The following TNRC6A variants were observed in gnomAD, a reference collection of about 807,000 sequenced individuals.
The protein encoded by TNRC6A is trinucleotide repeat-containing gene 6A protein.
Under a neutral mutation model 221.2 loss-of-function variants are expected in TNRC6A, and 44 were observed. That is an observed-to-expected ratio of 0.20 (90% CI 0.16 to 0.26). TNRC6A has a LOEUF of 0.26. Among genes scored for constraint, TNRC6A ranks in the 10% least tolerant of loss-of-function variants. TNRC6A has a pLI of 1.00. For synonymous variants in TNRC6A, 847 were observed against 838.5 expected (o/e 1.01, Z -0.18); for missense variants, 2,199 against 2,404.4 (o/e 0.91, Z 1.79).
At chr16:24,611,175 C>T (rs568133875) in intron 1 of TNRC6A, among the ~76,000 whole-genome samples, 1 of 152,264 alleles carries the variant, frequency 6.6e-6, no homozygotes, top group East Asian at 1.9e-4. Context: ...GAGTTCCTCT[C>T]ATCCTCTAAC....
At chr16:24,781,960 C>T (rs1184468935) in intron 5 of TNRC6A, among the ~76,000 whole-genome samples, 1 of 151,914 alleles carries the variant, frequency 6.6e-6, no homozygotes, top group Non-Finnish European at 1.5e-5. Context: ...GTAGCTGGGA[C>T]TACAGGCGCC....
chr16:24,731,974 G>A (rs1326839686), intron 2 of TNRC6A, among the ~76,000 whole-genome samples: 1 of 152,212 alleles, frequency 6.6e-6, no homozygotes, highest in African/African-American at 2.4e-5. Flanking sequence ...CAGAGGGCAT[G>A]TACAGTCTAG....
chr16:24,772,441 C>G (rs2057631083), intron 4 of TNRC6A, among the ~76,000 whole-genome samples: 1 of 151,818 alleles, frequency 6.6e-6, no homozygotes, highest in Non-Finnish European at 1.5e-5. Context: ...GAGCCAAGAT[C>G]CAAGATCGCG....
chr16:24,758,668 TC>T (rs1310979223), intron 4 of TNRC6A, among the ~76,000 whole-genome samples: 1 of 152,152 alleles, frequency 6.6e-6, no homozygotes, highest in Non-Finnish European at 1.5e-5. Flanking sequence ...CCTTCAGTCT[TC>T]CTTCTAAAAG....
rs60469088 is a variant in TNRC6A, at chr16:24,714,302, C to CTTTT, written n.403-36403_403-36400dup. Among the ~76,000 whole-genome samples, 354 of 71,324 alleles carry CTTTT rather than the reference C, an allele frequency of 5.0e-3. 11 individuals are homozygous for CTTTT. The highest frequency in any genetic ancestry group is 0.021 in the East Asian group (39 of 1,818). The allele number at this position is 71,324 out of a possible 152,430, so 46.8% of individuals were successfully genotyped here. A position where few individuals can be genotyped will look rare whatever the true frequency, so the allele number is the denominator to read the frequency against. On this transcript the variant is annotated intron_variant and non_coding_transcript_variant, in intron 2 of 2. Transcript: ENST00000566108. ...CTGCAGTGCCTGATTTGCTGTTAAT[C>CTTTT]TTTTTTTTTTTTTTTTTTTTTTTTG...
chr16:24,819,436 C>T (rs1210764265), intron 21 of TNRC6A, among the ~76,000 whole-genome samples: 1 of 151,450 alleles, frequency 6.6e-6, no homozygotes, highest in African/African-American at 2.4e-5. Context: ...TTCTTTCTTC[C>T]TTCCTTTCCT....
At chr16:24,623,857 G>A (rs529689155) in intron 1 of TNRC6A, among the ~76,000 whole-genome samples, 93 of 123,302 alleles carry the variant, frequency 7.5e-4, no homozygotes, top group African/African-American at 2.7e-3. Context: ...AGCTATGATC[G>A]CACCACTGCA....
At chr16:24,729,885 C>G (rs891087724) in intron 1 of TNRC6A, 39 bp downstream of exon 1, 14 of 1,244,538 alleles carry the variant, frequency 1.1e-5, no homozygotes, top group Non-Finnish European at 1.2e-5. Context: ...CGGGAGGAGC[C>G]GCGGGCGCTG....
intron 2 of TNRC6A, among the ~76,000 whole-genome samples, chr16:24,715,249 A>AT: frequency 6.6e-6 from 1 of 151,970 alleles, no homozygotes; most frequent in Admixed American, 6.6e-5. Context: ...TTATTTTTTA[A>AT]TTTTTTGTAG....
At chr16:24,782,826 C>T (rs529510166) in intron 5 of TNRC6A, among the ~76,000 whole-genome samples, 1 of 152,002 alleles carries the variant, frequency 6.6e-6, no homozygotes, top group African/African-American at 2.4e-5. Flanking sequence ...GAGCCGAGAT[C>T]GCGCCACTGC....
intron 2 of TNRC6A, among the ~76,000 whole-genome samples, chr16:24,704,964 C>A (rs2056068231): frequency 6.6e-6 from 1 of 151,868 alleles, no homozygotes; most frequent in Non-Finnish European, 1.5e-5. Flanking sequence ...CATAACGAGA[C>A]CCTGTCTCTA....
intron 23 of TNRC6A, 81 bp downstream of exon 23, chr16:24,822,228 G>C: frequency 7.2e-7 from 1 of 1,382,798 alleles, no homozygotes; most frequent in Non-Finnish European, 1.0e-6. Context: ...TGTGAGACAA[G>C]GGCTGCTAGG....
chr16:24,740,473 T>G (rs1431831520), intron 2 of TNRC6A, among the ~76,000 whole-genome samples: 1 of 152,196 alleles, frequency 6.6e-6, no homozygotes, highest in African/African-American at 2.4e-5. Flanking sequence ...GGTCTTTAAT[T>G]GTTTTCAAAG....
In TNRC6A at chr16:24,711,254, C is replaced by T. The variant is rs576639047; in HGVS notation, n.403-39472C>T. Among the ~76,000 whole-genome samples the T allele has an allele frequency of 1.9e-4, 29 of 151,798 alleles. No individual in the cohort carries two copies. In the East Asian group the frequency reaches 3.1e-3, roughly 16 times the overall value. ...AACTCCTGACCTCAAATGATCATCC[C>T]GCCTCGGCCTCCCAAATTGCTGGGA... On this transcript the variant is annotated intron_variant and non_coding_transcript_variant, in intron 2 of 2. Transcript: ENST00000566108.
chr16:24,775,703 T>G (rs1050877061), intron 4 of TNRC6A, among the ~76,000 whole-genome samples: 10 of 152,228 alleles, frequency 6.6e-5, no homozygotes, highest in Admixed American at 4.6e-4. Context: ...GTTGCTACTT[T>G]ATGGAGGAGA....
intron 4 of TNRC6A, among the ~76,000 whole-genome samples, chr16:24,775,865 G>A (rs1161872952): frequency 1.3e-5 from 2 of 152,156 alleles, no homozygotes; most frequent in Non-Finnish European, 2.9e-5. Context: ...TATCTGTGAG[G>A]ATACATTACA....
intron 19 of TNRC6A, chr16:24,815,660 G>A (rs201935359): frequency 3.4e-6 from 1 of 290,626 alleles, no homozygotes; most frequent in African/African-American, 2.2e-5. Context: ...TCGAGACCAT[G>A]CTGGCTAACA....
intron 2 of TNRC6A, among the ~76,000 whole-genome samples, chr16:24,658,326 G>T (rs960840825): frequency 1.3e-5 from 2 of 151,992 alleles, no homozygotes; most frequent in Non-Finnish European, 2.9e-5. Context: ...TTTCCTCTTT[G>T]TTATGATATT....
chr16:24,664,246 C>G (rs527907834), intron 2 of TNRC6A, among the ~76,000 whole-genome samples: 1 of 151,706 alleles, frequency 6.6e-6, no homozygotes, highest in Admixed American at 6.6e-5. Context: ...GCAGGAGAAT[C>G]GTTGCACCTT....
Sources: gnomAD v4.1 joint callset for allele counts (sites outside exome capture counted in the v4.1 genomes callset) on GRCh38, gnomAD v4.1.1 for gene constraint, MANE v1.5 for transcripts, NCBI Gene and HGNC (gene_info 2026-07-23, HGNC 2026-07-21) for gene names.